GLRB: variants seen among roughly 807,000 people sequenced by gnomAD.
GLRB encodes glycine receptor beta.
Under a neutral mutation model 54.2 loss-of-function variants are expected in GLRB, and 33 were observed. The observed-to-expected ratio is 0.61, with a 90% CI of 0.46 to 0.81. GLRB has a LOEUF of 0.81. Ranked by LOEUF, GLRB falls within the 40% of genes least tolerant of loss-of-function variation. The probability of loss-of-function intolerance (pLI) is 0.00; values close to 1 mark genes in which losing one functional copy is unlikely to be tolerated. For missense variants in GLRB, 572 were observed against 584.6 expected (o/e 0.98, Z 0.22); for synonymous variants, 209 against 208.2 (o/e 1.00, Z -0.03).
At chr4:157,115,994 T>C (rs1735595392) in intron 2 of GLRB, among the ~76,000 whole-genome samples, 2 of 151,912 alleles carry the variant, frequency 1.3e-5, no homozygotes, top group South Asian at 2.1e-4. Context: ...TAATACAATA[T>C]ACTCATCCAC....
At chr4:157,087,595 A>T (rs1734458146) in intron 2 of GLRB, among the ~76,000 whole-genome samples, 1 of 152,098 alleles carries the variant, frequency 6.6e-6, no homozygotes, top group Admixed American at 6.5e-5. Flanking sequence ...CAGTGGAAAA[A>T]GAATACACAA....
At chr4:157,157,932 T>A (rs778183169) in intron 9 of GLRB, among the ~76,000 whole-genome samples, 3 of 152,216 alleles carry the variant, frequency 2.0e-5, no homozygotes, top group Admixed American at 6.5e-5. Context: ...TCTACAATGG[T>A]TGAAATAGTT....
In GLRB at chr4:157,114,424, C is replaced by T. The variant is rs116324775; in HGVS notation, c.123-6132C>T. 3.7e-3 allele frequency among the ~76,000 whole-genome samples: 564 copies of T among 151,258 alleles called. 3 individuals carry two copies. Among genetic ancestry groups the T allele is most frequent in the Middle Eastern group, 0.01 (3 of 292 alleles). On this transcript the variant is annotated intron_variant, in intron 2 of 9. Coordinates refer to ENST00000264428, the MANE Select transcript of GLRB (RefSeq NM_000824.5). ...AATTTCCAAGGTAGTACAGAGAGTT[C>T]CCAAATACCCTGCACCTAATTTTCT...
At position 157,120,662 on chromosome 4, in the gene GLRB, G is replaced by T. The variant is rs1735782597; in HGVS notation, c.229G>T (p.Gly77Cys). 1 of 1,385,826 alleles carries T rather than the reference G, an allele frequency of 7.2e-7. No individual in the cohort carries two copies. The highest frequency in any genetic ancestry group is 1.0e-6 in the Non-Finnish European group (1 of 975,274). 85.8% of individuals were successfully genotyped at this position (1,385,826 alleles called of 1,614,324 possible). ...YDPRIRPNFK[G>C]IPVDVVVNIF... is the part of the protein sequence containing the mutation. ...TCCCAGGATAAGACCAAACTTCAAA[G>T]GTTTGTCTCCCCCATATAAATGTTC... Residue 77 changes from glycine to cysteine, a missense_variant and splice_region_variant, in exon 3 of 10, where the codon GGC (glycine) becomes TGC (cysteine). Transcript: ENST00000264428.
chr4:157,120,512 T>C (rs767806687), intron 2 of GLRB, 44 bp from the exon 3 acceptor site: 1 of 1,009,784 alleles, frequency 9.9e-7, no homozygotes, highest in South Asian at 1.3e-5. Context: ...TTTCTGTTGT[T>C]TGCTATTTAT....
intron 9 of GLRB, among the ~76,000 whole-genome samples, chr4:157,153,419 G>C (rs1481362610): frequency 6.6e-6 from 1 of 152,056 alleles, no homozygotes; most frequent in Non-Finnish European, 1.5e-5. Flanking sequence ...ACATAAAAAG[G>C]CTTGGAGAAG....
intron 8 of GLRB, among the ~76,000 whole-genome samples, chr4:157,146,524 T>C (rs1736817717): frequency 2.0e-5 from 3 of 151,920 alleles, no homozygotes; most frequent in Admixed American, 6.6e-5. Flanking sequence ...TGCTGATAAA[T>C]ATTTGATGAT....
chr4:157,091,343 T>C (rs1392091708), intron 2 of GLRB: 1 of 152,232 alleles, frequency 6.6e-6, no homozygotes, highest in African/African-American at 2.4e-5. Context: ...TTCTTGTTTT[T>C]TCTTTCTGCT....
intron 9 of GLRB, among the ~76,000 whole-genome samples, chr4:157,159,363 A>C (rs943377360): frequency 6.6e-6 from 1 of 152,022 alleles, no homozygotes; most frequent in Non-Finnish European, 1.5e-5. Flanking sequence ...AACTTCCAAC[A>C]CTATGTTGAA....
At chr4:157,135,945 G>T (rs547197439) in intron 4 of GLRB, among the ~76,000 whole-genome samples, 2 of 152,182 alleles carry the variant, frequency 1.3e-5, no homozygotes, top group African/African-American at 2.4e-5. Context: ...TTGCCACGTT[G>T]TATCTGTTGA....
intron 2 of GLRB, among the ~76,000 whole-genome samples, chr4:157,083,403 T>TG (rs140129514): frequency 0.25 from 38,060 of 151,712 alleles, 5,173 homozygotes; most frequent in East Asian, 0.42. Flanking sequence ...TAAGAACTTT[T>TG]TTGAGTTCTG....
At chr4:157,149,536 A>T (rs1183431620) in intron 8 of GLRB, among the ~76,000 whole-genome samples, 1 of 152,138 alleles carries the variant, frequency 6.6e-6, no homozygotes, top group African/African-American at 2.4e-5. Flanking sequence ...ATGCAAAAAG[A>T]TTAATAATTT....
At position 157,120,629 on chromosome 4, in the gene GLRB, A is replaced by G. The variant is rs1233514838; in HGVS notation, c.196A>G (p.Ser66Gly). ...CAATATCTTGAACAGGTTATTGGTC[A>G]GTTATGATCCCAGGATAAGACCAAA... ...TSNILNRLLVSYDPRIRPNFK... is the reference protein window; with the variant it reads ...TSNILNRLLVGYDPRIRPNFK... The change falls in exon 3 of 10, where the codon AGT (serine) becomes GGT (glycine). Residue 66 changes from serine (S) to glycine (G), a missense_variant. By Grantham distance (56) the Ser-to-Gly change is moderately conservative. Transcript: ENST00000264428. 1.3e-6 allele frequency: 2 copies of G among 1,593,908 alleles called. No individual in the cohort carries two copies. The highest frequency in any genetic ancestry group is 1.3e-5 in the African/African-American group (1 of 74,188).
intron 2 of GLRB, among the ~76,000 whole-genome samples, chr4:157,112,865 C>A (rs1735472131): frequency 6.6e-6 from 1 of 152,042 alleles, no homozygotes; most frequent in Admixed American, 6.6e-5. Context: ...CAAGCTCATT[C>A]CTGGAGGGGT....
chr4:157,158,269 C>A (rs1737317423), intron 9 of GLRB, among the ~76,000 whole-genome samples: 1 of 152,140 alleles, frequency 6.6e-6, no homozygotes, highest in Non-Finnish European at 1.5e-5. Flanking sequence ...AATTTTCTCC[C>A]ATTCTGTAGG....
At chr4:157,131,962 T>C (rs975878974) in intron 4 of GLRB, among the ~76,000 whole-genome samples, 1 of 151,970 alleles carries the variant, frequency 6.6e-6, no homozygotes, top group East Asian at 1.9e-4. Flanking sequence ...GGTAAAAGTA[T>C]GTTTCGTTTT....
At chr4:157,110,271 A>AAT (rs755698178) in intron 2 of GLRB, among the ~76,000 whole-genome samples, 47 of 151,908 alleles carry the variant, frequency 3.1e-4, no homozygotes, top group East Asian at 3.9e-4. Flanking sequence ...ATGAAGATCA[A>AAT]ATATATATAT....
At chr4:157,129,123 T>A (rs1419185380) in intron 4 of GLRB, among the ~76,000 whole-genome samples, 1 of 151,856 alleles carries the variant, frequency 6.6e-6, no homozygotes, top group Non-Finnish European at 1.5e-5. Flanking sequence ...ATTTGGGTGT[T>A]AATTGGTTCT....
At chr4:157,144,068 C>A in intron 8 of GLRB, 109 bp downstream of exon 8, 2 of 1,145,740 alleles carry the variant, frequency 1.7e-6, no homozygotes. Flanking sequence ...TGTTAGCCAC[C>A]AATTTCGGTG....
Sources: gnomAD v4.1 joint callset for allele counts (sites outside exome capture counted in the v4.1 genomes callset) on GRCh38, gnomAD v4.1.1 for gene constraint, MANE v1.5 for transcripts, NCBI Gene and HGNC (gene_info 2026-07-23, HGNC 2026-07-21) for gene names.